ZNF709: variants seen among roughly 807,000 people sequenced by gnomAD.
ZNF709 encodes zinc finger protein 709.
A neutral mutation model predicts 10.6 loss-of-function variants in ZNF709; 15 were observed. That is an observed-to-expected ratio of 1.41 (90% CI 0.95 to 2.18). The LOEUF (loss-of-function observed/expected upper bound fraction) is 2.18, where lower values mean the gene tolerates loss of function less well. ZNF709 is among the 30% of genes most tolerant of loss of function. The pLI is 0.00. For missense variants in ZNF709, 589 were observed against 774.0 expected (o/e 0.76, Z 2.84); for synonymous variants, 194 against 238.8 (o/e 0.81, Z 1.73).
At chr19:12,468,397 C>CG (rs893941450) in intron 1 of ZNF709, among the ~76,000 whole-genome samples, 3 of 151,924 alleles carry the variant, frequency 2.0e-5, no homozygotes, top group African/African-American at 7.3e-5. Flanking sequence ...ACCTTACCCC[C>CG]AACCCTGTGC....
At chr19:12,484,556 G>C (rs995098289) in intron 1 of ZNF709, 99 bp downstream of exon 1, 1 of 1,531,200 alleles carries the variant, frequency 6.5e-7, no homozygotes, top group African/African-American at 1.4e-5. Context: ...AGACCCGGGA[G>C]ACAACGGCGG....
Position 12,484,788 on chromosome 19 carries a change from C to G in ZNF709, c.-131G>C. On this transcript the variant is annotated 5_prime_UTR_variant, in exon 1 of 4. Coordinates refer to ENST00000397732, the MANE Select transcript of ZNF709 (RefSeq NM_152601.4). Reference sequence around the variant, plus strand: ...GAGGAGACCCCAGAGCGGAGCGCAGCGGCTGGTAGCCACGCCCTCGCCGTT... The same window carrying G: ...GAGGAGACCCCAGAGCGGAGCGCAGGGGCTGGTAGCCACGCCCTCGCCGTT... 7.8e-7 allele frequency: 1 copy of G among 1,275,758 alleles called. No homozygotes were observed. Among genetic ancestry groups the G allele is most frequent in the Non-Finnish European group, 1.1e-6 (1 of 910,924 alleles). 79.0% of individuals were successfully genotyped at this position (1,275,758 alleles called of 1,614,324 possible). A position where few individuals can be genotyped will look rare whatever the true frequency, so the allele number is the denominator to read the frequency against.
In ZNF709 at chr19:12,478,970, C is replaced by T. The variant is rs529535538; in HGVS notation, c.3+5685G>A. ...TATGAAAAACATGCATTTGCAATTGCTTATTTTTATAAAAAGAAACACTGA... is the reference window on the plus strand; with the variant it reads ...TATGAAAAACATGCATTTGCAATTGTTTATTTTTATAAAAAGAAACACTGA... On this transcript the variant is annotated intron_variant, in intron 1 of 3. Coordinates refer to ENST00000397732, the MANE Select transcript of ZNF709 (RefSeq NM_152601.4). 2.6e-5 allele frequency among the ~76,000 whole-genome samples: 4 copies of T among 152,240 alleles called. 1 individual carries two copies. Among genetic ancestry groups the T allele is most frequent in the Admixed American group, 2.6e-4 (4 of 15,292 alleles).
intron 1 of ZNF709, 23 bp downstream of exon 1, chr19:12,484,632 G>C: frequency 6.2e-7 from 1 of 1,612,434 alleles, no homozygotes; most frequent in Non-Finnish European, 8.5e-7. Flanking sequence ...CCCATCTCAA[G>C]ACCCCCAGCC....
rs769159349 is a variant in ZNF709 at position 12,465,279 on chromosome 19, T to C, written c.643A>G (p.Met215Val). The change falls in exon 4 of 4, where the codon ATG becomes GTG. Residue 215 changes from methionine to valine, a missense_variant. Met to Val is a conservative substitution (Grantham distance 21). Transcript: ENST00000397732. ...FIYHTTFRGHMRMHTGEKPYK... is the reference protein window; with the variant it reads ...FIYHTTFRGHVRMHTGEKPYK... Reference sequence around the variant, plus strand: ...GGTTTCTCCCCTGTGTGCATTCTCATGTGTCCTCGAAAGGTTGTGTGATAA... The same window carrying C: ...GGTTTCTCCCCTGTGTGCATTCTCACGTGTCCTCGAAAGGTTGTGTGATAA... 2.2e-5 allele frequency: 35 copies of C among 1,613,220 alleles called. No individual in the cohort carries two copies. The South Asian group carries it at 3.4e-4, about 16-fold the overall frequency.
At chr19:12,473,876 C>A (rs1970655391) in intron 1 of ZNF709, among the ~76,000 whole-genome samples, 1 of 152,106 alleles carries the variant, frequency 6.6e-6, no homozygotes, top group South Asian at 2.1e-4. Flanking sequence ...GATCACATCT[C>A]TAGAAAAAAA....
chr19:12,482,140 CACACACACACACACAA>C (rs909439536), intron 1 of ZNF709, among the ~76,000 whole-genome samples: 4 of 134,622 alleles, frequency 3.0e-5, no homozygotes, highest in South Asian at 2.4e-4. Context: ...CTCTAAAATA[CACACACACACACACAA>C]ACACACACAC....
chr19:12,472,704 G>A (rs918948460), intron 1 of ZNF709, among the ~76,000 whole-genome samples: 3 of 152,004 alleles, frequency 2.0e-5, no homozygotes, highest in Admixed American at 6.6e-5. Context: ...CCAACATGGC[G>A]AAACTCTGTC....
rs137864290 is a variant in ZNF709, at chr19:12,466,327, G to A, written c.188+135C>T. Reference sequence around the variant, plus strand: ...ACATCTGTACCATTTTTAAGAAAACGTTCTTGGCAAAAATTTTCAAAAAAT... The same window carrying A: ...ACATCTGTACCATTTTTAAGAAAACATTCTTGGCAAAAATTTTCAAAAAAT... On this transcript the variant is annotated intron_variant, in intron 3 of 3. Coordinates refer to ENST00000397732, the MANE Select transcript of ZNF709 (RefSeq NM_152601.4). The A allele has an allele frequency of 1.6e-3, 1,344 of 814,612 alleles. 16 individuals are homozygous for A. In the African/African-American group the frequency reaches 0.02, roughly 12 times the overall value. 50.5% of individuals were successfully genotyped at this position (814,612 alleles called of 1,614,324 possible).
At chr19:12,474,862 TACAA>T (rs1970663269) in intron 1 of ZNF709, among the ~76,000 whole-genome samples, 1 of 152,172 alleles carries the variant, frequency 6.6e-6, no homozygotes, top group Non-Finnish European at 1.5e-5. Context: ...ATAATGGTGG[TACAA>T]ACATCACTTT....
At chr19:12,480,353 A>AAT (rs930362616) in intron 1 of ZNF709, among the ~76,000 whole-genome samples, 44 of 152,192 alleles carry the variant, frequency 2.9e-4, no homozygotes, top group Middle Eastern at 3.4e-3. Context: ...AGGATTTTCA[A>AAT]ATATATATAT....
At chr19:12,476,830 T>C (rs987506057) in intron 1 of ZNF709, among the ~76,000 whole-genome samples, 3 of 152,160 alleles carry the variant, frequency 2.0e-5, no homozygotes, top group Non-Finnish European at 2.9e-5. Context: ...ATTTTATATA[T>C]GGGGCAATGG....
At chr19:12,468,104 G>C (rs1970599302) in intron 1 of ZNF709, among the ~76,000 whole-genome samples, 2 of 151,338 alleles carry the variant, frequency 1.3e-5, no homozygotes, top group African/African-American at 4.9e-5. Flanking sequence ...CAGCCGCCCA[G>C]TCCAGGAGGT....
chr19:12,482,700 A>G (rs1302647233), intron 1 of ZNF709, among the ~76,000 whole-genome samples: 3 of 152,210 alleles, frequency 2.0e-5, no homozygotes, highest in East Asian at 3.8e-4. Context: ...GATTCAGCCA[A>G]TCCCCCAACG....
intron 1 of ZNF709, among the ~76,000 whole-genome samples, chr19:12,470,904 G>T (rs1231740427): frequency 6.7e-6 from 1 of 149,444 alleles, no homozygotes; most frequent in African/African-American, 2.5e-5. Flanking sequence ...TCCAGCCTGG[G>T]CAACAGAGCG....
rs749799258 is a variant in ZNF709 at position 12,466,431 on chromosome 19, G to A, written c.188+31C>T. 5 of 1,592,556 alleles carry A rather than the reference G, an allele frequency of 3.1e-6. No homozygotes were observed. The South Asian group carries it at 5.5e-5, about 18-fold the overall frequency. On this transcript the variant is annotated intron_variant, in intron 3 of 3. Transcript: ENST00000397732. ...ATGGCATGCTAAGATTCTCTCATAA[G>A]ACAGTATTTTCTTTTGTAAGTACAA... is the stretch of plus-strand genomic sequence containing the variant.
At position 12,465,238 on chromosome 19, in the gene ZNF709, T is replaced by C. The variant is rs376255683; in HGVS notation, c.684A>G (p.Glu228=). Residue 228 remains glutamate, a synonymous_variant, in exon 4 of 4, where the codon GAA becomes GAG. Transcript: ENST00000397732. ...TGGGATGACTGAACGTTTTCCCGCA[T>C]TCTTTACATTTATAGGGTTTCTCCC... ...HTGEKPYKCK[E]CGKTFSHPSS... The C allele has an allele frequency of 9.3e-6, 15 of 1,612,976 alleles. No individual in the cohort carries two copies. Among genetic ancestry groups the C allele is most frequent in the Non-Finnish European group, 1.2e-5 (14 of 1,179,120 alleles).
rs1700683578 is a variant in ZNF709 at position 12,464,365 on chromosome 19, A to T, written c.1557T>A (p.Phe519Leu). The T allele has an allele frequency of 6.2e-7, 1 of 1,612,460 alleles. No homozygotes were observed. Among genetic ancestry groups the T allele is most frequent in the African/African-American group, 1.3e-5 (1 of 74,834 alleles). The change falls in exon 4 of 4, where the codon TTT becomes TTA. Residue 519 changes from phenylalanine to leucine, a missense_variant. Physicochemically the swap from Phe to Leu is conservative, Grantham distance 22. This residue lies in a region of ZNF709 where 171 missense variants were observed against 277.7 expected (regional missense o/e 0.62). Transcript: ENST00000397732. ...CGKAFSCSSS[F>L]RMHERTHTGE... ...CAGTGTGAGTCCTTTCATGCATTCG[A>T]AAGGAACTGGAACAACTGAAGGCTT...
intron 1 of ZNF709, among the ~76,000 whole-genome samples, chr19:12,468,654 A>G (rs1188685341): frequency 1.3e-5 from 2 of 149,198 alleles, no homozygotes; most frequent in African/African-American, 4.9e-5. Flanking sequence ...GACCCTGCCA[A>G]ATCCCCCTCT....
Sources: allele counts gnomAD v4.1 joint callset (sites outside exome capture counted in the v4.1 genomes callset), GRCh38; gene constraint gnomAD v4.1.1; regional missense constraint gnomAD v4.1.1; transcripts MANE v1.5; gene names NCBI Gene and HGNC (gene_info 2026-07-23, HGNC 2026-07-21).